Variants in PIGB observed in about 807,000 individuals in gnomAD.
PIGB encodes the protein GPI alpha-1,2-mannosyltransferase 3.
A neutral mutation model predicts 68.4 loss-of-function variants in PIGB; 58 were observed. The ratio of observed to expected loss-of-function variants is 0.85; its 90% CI spans 0.69 to 1.06. The LOEUF is 1.06. PIGB is among the 50% of genes least tolerant of loss of function. The probability of loss-of-function intolerance (pLI) is 0.00; values close to 1 mark genes in which losing one functional copy is unlikely to be tolerated. For missense variants in PIGB, 634 were observed against 655.8 expected, an observed-to-expected ratio of 0.97 and a Z score of 0.36; for synonymous variants, 219 against 220.5, an observed-to-expected ratio of 0.99 and a Z score of 0.06.
At chr15:55,354,430 G>A (rs1424132058) in intron 10 of PIGB, among the ~76,000 whole-genome samples, 1 of 152,090 alleles carries the variant, frequency 6.6e-6, no homozygotes, top group Non-Finnish European at 1.5e-5. Context: ...ATACACCTAT[G>A]GAGAATTACT....
chr15:55,321,369 G>A lies in PIGB; in HGVS notation c.396G>A (p.Gly132=). The A allele has an allele frequency of 6.2e-7, 1 of 1,601,772 alleles. No individual in the cohort carries two copies. Among genetic ancestry groups the A allele is most frequent in the Non-Finnish European group, 8.5e-7 (1 of 1,172,866 alleles). ...TTTACAAGATTCTTCATCTTTTAGG[G>A]AAAGATAGTGTTCAGTTGCTGGTAA... The part of the protein sequence containing the change: ...ASIYKILHLL[G]KDSVQLLIWI... Residue 132 remains glycine (G), a synonymous_variant, in exon 3 of 12, where the codon GGG becomes GGA. Transcript: ENST00000164305.
chr15:55,322,192 A>T (rs1209098600), intron 3 of PIGB, among the ~76,000 whole-genome samples: 1 of 151,988 alleles, frequency 6.6e-6, no homozygotes, highest in Non-Finnish European at 1.5e-5. Context: ...CCGCAAAAAA[A>T]GTATCACTTG....
Position 55,333,927 on chromosome 15 carries a change from G to A in PIGB, c.714G>A (p.Leu238=). Residue 238 remains leucine (L), a synonymous_variant, in exon 6 of 12, where the codon CTG becomes CTA. Coordinates refer to ENST00000164305, the MANE Select transcript of PIGB (RefSeq NM_004855.5). ...AFIIRPTAVI[L]WTPLLFRHFC... ...TAATTCGTCCCACAGCTGTCATTCTGTGGACACCTTTGCTCTTCAGACATT... is the reference window on the plus strand; with the variant it reads ...TAATTCGTCCCACAGCTGTCATTCTATGGACACCTTTGCTCTTCAGACATT... The A allele has an allele frequency of 6.2e-7, 1 of 1,609,532 alleles. No homozygotes were observed.
chr15:55,348,760 C>T (rs1011049362), intron 9 of PIGB, among the ~76,000 whole-genome samples: 16 of 152,122 alleles, frequency 1.1e-4, no homozygotes, highest in African/African-American at 3.6e-4. Context: ...TATAAATTAG[C>T]CAGTCTCAGG....
chr15:55,349,971 C>A (rs2055886023), intron 9 of PIGB: 1 of 152,112 alleles, frequency 6.6e-6, no homozygotes, highest in Non-Finnish European at 1.5e-5. Context: ...GGGAGAGAGA[C>A]TTTTACTTAT....
chr15:55,326,595 G>A lies in PIGB; in HGVS notation c.418-936G>A, dbSNP rs186280412. 4.2e-4 allele frequency among the ~76,000 whole-genome samples: 64 copies of A among 152,250 alleles called. No individual in the cohort carries two copies. In the East Asian group the frequency reaches 0.012, roughly 29 times the overall value. The stretch of plus-strand genomic sequence containing the variant: ...TTAAAATAGAAACTTGGCCGAGCAC[G>A]GTGGCTTACACCTGTAATCCCAGCA... On this transcript the variant is annotated intron_variant, in intron 3 of 11. Transcript: ENST00000164305.
intron 7 of PIGB, chr15:55,340,271 A>C (rs976131148): frequency 1.2e-5 from 2 of 162,300 alleles, no homozygotes; most frequent in East Asian, 3.6e-4. Flanking sequence ...CCTGGCTAAC[A>C]TGGTGAAACC....
At chr15:55,322,550 G>A (rs1167380624) in intron 3 of PIGB, among the ~76,000 whole-genome samples, 2 of 152,144 alleles carry the variant, frequency 1.3e-5, no homozygotes, top group Non-Finnish European at 2.9e-5. Context: ...CCCGATTTCT[G>A]TCAGTGGGGG....
intron 3 of PIGB, among the ~76,000 whole-genome samples, chr15:55,324,037 G>A (rs1018343880): frequency 6.6e-6 from 1 of 152,116 alleles, no homozygotes; most frequent in Non-Finnish European, 1.5e-5. Context: ...ACAGGTGTCT[G>A]CCACCACACC....
rs2055652369 is a variant in PIGB at position 55,340,801 on chromosome 15, C to G, written c.1036C>G (p.Leu346Val). 6.2e-7 allele frequency: 1 copy of G among 1,603,020 alleles called. No homozygotes were observed. Among genetic ancestry groups the G allele is most frequent in the African/African-American group, 1.3e-5 (1 of 74,732 alleles). The change falls in exon 8 of 12, where the codon CTG becomes GTG. Residue 346 changes from leucine (L) to valine (V), a missense_variant. Leu to Val is a conservative substitution (Grantham distance 32). Coordinates refer to ENST00000164305, the MANE Select transcript of PIGB (RefSeq NM_004855.5). ...KRYRILLVTV[L>V]WTLLVYSMLS... Reference sequence around the variant, plus strand: ...ATACCGGATACTTTTGGTGACTGTGCTGTGGACACTGCTTGTTTATAGGTA... The same window carrying G: ...ATACCGGATACTTTTGGTGACTGTGGTGTGGACACTGCTTGTTTATAGGTA...
chr15:55,330,518 T>TTTACAG (rs1039845655), intron 5 of PIGB, among the ~76,000 whole-genome samples: 2 of 149,290 alleles, frequency 1.3e-5, no homozygotes, highest in African/African-American at 5.2e-5. Flanking sequence ...ATGGGCTCCA[T>TTTACAG]TTACAGTTAC....
At position 55,327,839 on chromosome 15, in the gene PIGB, C is replaced by T. The variant is rs796968603; in HGVS notation, c.522+204C>T. Among the ~76,000 whole-genome samples, 18 of 152,318 alleles carry T rather than the reference C, an allele frequency of 1.2e-4. 1 individual carries two copies. The highest frequency in any genetic ancestry group is 4.3e-4 in the African/African-American group (18 of 41,578). On this transcript the variant is annotated intron_variant, in intron 4 of 11. Transcript: ENST00000164305. ...ATTAAGCCCTGCACAGTGTAAGCCA[C>T]TGATGCCCTCAAACCCTATGAGAGT... is the stretch of plus-strand genomic sequence containing the variant.
intron 10 of PIGB, among the ~76,000 whole-genome samples, chr15:55,352,131 G>A (rs7182881): frequency 0.99 from 150,433 of 151,584 alleles, 74,652 homozygotes; most frequent in Middle Eastern, 1. Context: ...TATTTTTATT[G>A]GAGACAGGGT....
intron 6 of PIGB, among the ~76,000 whole-genome samples, chr15:55,338,286 G>A (rs191731097): frequency 6.6e-5 from 10 of 152,192 alleles, no homozygotes; most frequent in Admixed American, 1.3e-4. Flanking sequence ...TAGATTTGTC[G>A]ACTCAATTCT....
chr15:55,329,725 T>G lies in PIGB; in HGVS notation c.524T>G (p.Phe175Cys), dbSNP rs1442715744. 6.2e-7 allele frequency: 1 copy of G among 1,607,600 alleles called. No homozygotes were observed. The highest frequency in any genetic ancestry group is 8.5e-7 in the Non-Finnish European group (1 of 1,177,744). The change falls in exon 5 of 12, where the codon TTT (phenylalanine) becomes TGT (cysteine). Residue 175 changes from phenylalanine to cysteine, a missense_variant and splice_region_variant. Physicochemically the swap from Phe to Cys is radical, Grantham distance 205. Transcript: ENST00000164305. ...TGTTTGCTCTGTACTTTTTCTTAGT[T>G]TTTTTGCCAGTTGTGCTCCTGGTTC... ...LENQEVARWV[F>C]FCQLCSWFTW...
chr15:55,352,658 G>A (rs1052803842), intron 10 of PIGB, among the ~76,000 whole-genome samples: 6 of 152,126 alleles, frequency 3.9e-5, no homozygotes, highest in African/African-American at 4.8e-5. Context: ...GTGTTGTGGC[G>A]CATGCCTGTA....
intron 1 of PIGB, chr15:55,319,822 T>C (rs1051831754): frequency 5.6e-6 from 1 of 179,500 alleles, no homozygotes. Context: ...GTGAGATGCA[T>C]GTGAAGAAAT....
At chr15:55,326,053 T>G (rs1389949982) in intron 3 of PIGB, among the ~76,000 whole-genome samples, 2 of 150,056 alleles carry the variant, frequency 1.3e-5, no homozygotes, top group Non-Finnish European at 3.0e-5. Flanking sequence ...AAAAATTAGC[T>G]GGGCGTGGCG....
intron 3 of PIGB, among the ~76,000 whole-genome samples, chr15:55,326,858 A>C (rs1357249687): frequency 1.3e-5 from 2 of 151,964 alleles, no homozygotes; most frequent in Non-Finnish European, 2.9e-5. Flanking sequence ...ATAAAACAGA[A>C]ACTTAACACA....
Sources: gnomAD v4.1 joint callset for allele counts (sites outside exome capture counted in the v4.1 genomes callset) on GRCh38, gnomAD v4.1.1 for gene constraint, MANE v1.5 for transcripts, NCBI Gene and HGNC (gene_info 2026-07-23, HGNC 2026-07-21) for gene names.